DGKB: variants seen among roughly 807,000 people sequenced by gnomAD.
DGKB encodes diacylglycerol kinase beta, also known as 90 kDa diacylglycerol kinase.
In DGKB, 67 loss-of-function variants were observed where a neutral mutation model predicts 114.3. The observed-to-expected ratio is 0.59, with a 90% CI of 0.48 to 0.72. The LOEUF is 0.72. DGKB is among the 30% of genes least tolerant of loss of function. DGKB has a pLI of 0.00. For missense variants in DGKB, 907 were observed against 975.2 expected (o/e 0.93, Z 0.93); for synonymous variants, 398 against 323.1 (o/e 1.23, Z -2.49).
intron 6 of DGKB, among the ~76,000 whole-genome samples, chr7:14,717,484 T>C (rs1828396050): frequency 1.3e-5 from 2 of 152,114 alleles, no homozygotes; most frequent in African/African-American, 4.8e-5. Flanking sequence ...TGAACATTTA[T>C]GAATAATAAA....
At chr7:14,437,554 CAT>C (rs1326997313) in intron 21 of DGKB, among the ~76,000 whole-genome samples, 4 of 151,954 alleles carry the variant, frequency 2.6e-5, no homozygotes, top group Non-Finnish European at 4.4e-5. Context: ...TGTGATTGCA[CAT>C]GTCGGCTTTA....
intron 1 of DGKB, among the ~76,000 whole-genome samples, chr7:14,911,475 T>A (rs2128243655): frequency 6.6e-6 from 1 of 152,292 alleles, no homozygotes; most frequent in Non-Finnish European, 1.5e-5. Flanking sequence ...ACCAGGACTC[T>A]CAGAGTTTTT....
intron 23 of DGKB, among the ~76,000 whole-genome samples, chr7:14,251,110 C>T (rs779779778): frequency 6.6e-6 from 1 of 152,118 alleles, no homozygotes; most frequent in South Asian, 2.1e-4. Context: ...TGACTGGAAA[C>T]TTTAATCTAC....
At chr7:14,440,785 G>A (rs1468116798) in intron 21 of DGKB, among the ~76,000 whole-genome samples, 1 of 152,102 alleles carries the variant, frequency 6.6e-6, no homozygotes, top group Non-Finnish European at 1.5e-5. Flanking sequence ...TTAAATTTAT[G>A]TCTACTGACA....
intron 23 of DGKB, among the ~76,000 whole-genome samples, chr7:14,270,780 G>C (rs1798159938): frequency 6.6e-6 from 1 of 152,180 alleles, no homozygotes; most frequent in African/African-American, 2.4e-5. Flanking sequence ...GCTGGAATTT[G>C]CGGGTCTTGA....
At chr7:14,850,005 C>T (rs1235611207) in intron 1 of DGKB, among the ~76,000 whole-genome samples, 2 of 152,124 alleles carry the variant, frequency 1.3e-5, no homozygotes, top group African/African-American at 2.4e-5. Context: ...CTTTATCCTA[C>T]CTCAACCCAT....
intron 25 of DGKB, among the ~76,000 whole-genome samples, chr7:14,161,173 G>C: frequency 6.6e-6 from 1 of 152,208 alleles, no homozygotes; most frequent in Non-Finnish European, 1.5e-5. Flanking sequence ...ACAGATGCTG[G>C]AGAGGATATG....
chr7:14,274,134 T>G (rs1798657106), intron 23 of DGKB, among the ~76,000 whole-genome samples: 1 of 152,142 alleles, frequency 6.6e-6, no homozygotes, highest in South Asian at 2.1e-4. Context: ...AGCAGGTGAT[T>G]GCCAGTTTGG....
At chr7:14,912,492 G>A (rs949036650) in intron 1 of DGKB, among the ~76,000 whole-genome samples, 2 of 152,148 alleles carry the variant, frequency 1.3e-5, no homozygotes, top group Admixed American at 6.6e-5. Context: ...GTAATAGGTA[G>A]AATGCGCTGG....
At chr7:14,405,946 A>G (rs1346296559) in intron 21 of DGKB, among the ~76,000 whole-genome samples, 3 of 152,042 alleles carry the variant, frequency 2.0e-5, no homozygotes, top group South Asian at 4.1e-4. Flanking sequence ...AAGATTCGCA[A>G]CAGCAGGGAG....
At chr7:14,343,504 G>A (rs1005890088) in intron 22 of DGKB, among the ~76,000 whole-genome samples, 2 of 151,566 alleles carry the variant, frequency 1.3e-5, no homozygotes, top group African/African-American at 4.8e-5. Flanking sequence ...ATCTTTTGCT[G>A]TAAACACAAC....
chr7:14,946,132 A>G (rs1261288040), intron 1 of DGKB, among the ~76,000 whole-genome samples: 2 of 140,802 alleles, frequency 1.4e-5, no homozygotes, highest in Non-Finnish European at 3.0e-5. Flanking sequence ...TTGAGAATAT[A>G]TATATTGCTT....
chr7:14,919,062 G>GGA (rs1784378998), intron 1 of DGKB, among the ~76,000 whole-genome samples: 1 of 118,064 alleles, frequency 8.5e-6, no homozygotes, highest in Non-Finnish European at 1.7e-5. Flanking sequence ...TCCACCACAC[G>GGA]CACACACACA....
At chr7:14,807,640 A>G (rs867025391) in intron 2 of DGKB, among the ~76,000 whole-genome samples, 7 of 152,004 alleles carry the variant, frequency 4.6e-5, no homozygotes, top group Non-Finnish European at 7.4e-5. Context: ...GATAGATTTG[A>G]ACATATAGTC....
At chr7:14,608,845 C>T (rs143258489) in intron 16 of DGKB, among the ~76,000 whole-genome samples, 18 of 151,874 alleles carry the variant, frequency 1.2e-4, no homozygotes, top group Admixed American at 9.2e-4. Context: ...TGAAATACCT[C>T]GGAATACAAC....
chr7:14,736,093 C>T lies in DGKB; in HGVS notation c.270G>A (p.Lys90=), dbSNP rs772431641. 3 of 1,610,660 alleles carry T rather than the reference C, an allele frequency of 1.9e-6. No individual in the cohort carries two copies. The highest frequency in any genetic ancestry group is 2.5e-6 in the Non-Finnish European group (3 of 1,178,042). Residue 90 remains lysine (K), a synonymous_variant, in exon 5 of 26, where the codon AAG becomes AAA. Transcript: ENST00000402815. ...TAHLFMSFSN[K]FPHSSPMVKS... is the part of the protein sequence containing the mutation. ...TTACCATTGGACTAGAATGAGGAAA[C>T]TTGTTGCTAAATGACATGAAAAGGT...
chr7:14,231,119 CT>C (rs1223412810), intron 23 of DGKB, among the ~76,000 whole-genome samples: 1 of 125,060 alleles, frequency 8.0e-6, no homozygotes, highest in African/African-American at 3.0e-5. Context: ...TTCTTTCTTT[CT>C]TTCTTTCTTT....
At chr7:14,771,347 T>C (rs1837374363) in intron 2 of DGKB, among the ~76,000 whole-genome samples, 2 of 152,012 alleles carry the variant, frequency 1.3e-5, no homozygotes, top group Non-Finnish European at 2.9e-5. Context: ...AGAAATAAAC[T>C]CTCTTCTTTC....
At chr7:14,761,494 T>A (rs1316339026) in intron 2 of DGKB, among the ~76,000 whole-genome samples, 1 of 152,194 alleles carries the variant, frequency 6.6e-6, no homozygotes, top group Non-Finnish European at 1.5e-5. Flanking sequence ...TCCTATCTTT[T>A]TTATTGTGCC....
Sources: allele counts gnomAD v4.1 joint callset (sites outside exome capture counted in the v4.1 genomes callset), GRCh38; gene constraint gnomAD v4.1.1; transcripts MANE v1.5; gene names NCBI Gene and HGNC (gene_info 2026-07-23, HGNC 2026-07-21).